CADPS2: variants seen among roughly 807,000 people sequenced by gnomAD.
The protein encoded by CADPS2 is calcium-dependent secretion activator 2.
CADPS2 carries 93 observed loss-of-function variants against 172.5 expected under a neutral mutation model. That is an observed-to-expected ratio of 0.54 (90% CI 0.46 to 0.64). The LOEUF (loss-of-function observed/expected upper bound fraction) is 0.64, where lower values mean the gene tolerates loss of function less well. Ranked by LOEUF, CADPS2 falls within the 30% of genes least tolerant of loss-of-function variation. The pLI, the probability that CADPS2 is intolerant of heterozygous loss-of-function variation, is 0.00. For synonymous variants in CADPS2, 546 were observed against 555.2 expected (o/e 0.98, Z 0.23); for missense variants, 1,420 against 1,565.9 (o/e 0.91, Z 1.57).
chr7:122,380,922 G>A (rs975436323), intron 24 of CADPS2, among the ~76,000 whole-genome samples: 1 of 152,058 alleles, frequency 6.6e-6, no homozygotes, highest in Non-Finnish European at 1.5e-5. Context: ...TGAAGAGAAG[G>A]AAAACGGGAG....
At chr7:122,565,345 C>T (rs148226374) in intron 7 of CADPS2, among the ~76,000 whole-genome samples, 11 of 151,986 alleles carry the variant, frequency 7.2e-5, no homozygotes, top group Non-Finnish European at 1.0e-4. Context: ...GAAATCTCTG[C>T]GATACATTTT....
intron 1 of CADPS2, among the ~76,000 whole-genome samples, chr7:122,829,678 TTAAG>T (rs1465731971): frequency 6.6e-6 from 1 of 152,212 alleles, no homozygotes; most frequent in Non-Finnish European, 1.5e-5. Flanking sequence ...ATTTCATGTA[TTAAG>T]TGTGTTTTAG....
At chr7:122,326,846 T>G (rs2033973898) in intron 28 of CADPS2, among the ~76,000 whole-genome samples, 1 of 152,070 alleles carries the variant, frequency 6.6e-6, no homozygotes, top group African/African-American at 2.4e-5. Context: ...AAAATGAATT[T>G]TACATTTTAC....
At chr7:122,611,249 C>T (rs1401873901) in intron 6 of CADPS2, among the ~76,000 whole-genome samples, 1 of 151,610 alleles carries the variant, frequency 6.6e-6, no homozygotes, top group Non-Finnish European at 1.5e-5. Context: ...GGAGAGAGTC[C>T]AAGAAATCAT....
At chr7:122,646,887 C>G (rs1275725664) in intron 3 of CADPS2, among the ~76,000 whole-genome samples, 1 of 151,876 alleles carries the variant, frequency 6.6e-6, no homozygotes, top group Admixed American at 6.6e-5. Context: ...ATGGCAATTG[C>G]TATGAAATAA....
chr7:122,827,164 A>G (rs1164494910), intron 1 of CADPS2, among the ~76,000 whole-genome samples: 1 of 152,226 alleles, frequency 6.6e-6, no homozygotes, highest in Non-Finnish European at 1.5e-5. Context: ...GCTCAAAAAT[A>G]TGACAGCTTA....
At position 122,393,660 on chromosome 7, in the gene CADPS2, G is replaced by A. The variant is rs532920810; in HGVS notation, c.2747-78C>T. 58 of 1,481,300 alleles carry A rather than the reference G, an allele frequency of 3.9e-5. No homozygotes were observed. The South Asian group carries it at 4.6e-4, about 12-fold the overall frequency. The allele number at this position is 1,481,300 out of a possible 1,614,324, so 91.8% of individuals were successfully genotyped here. A position where few individuals can be genotyped will look rare whatever the true frequency, so the allele number is the denominator to read the frequency against. On this transcript the variant is annotated intron_variant, in intron 20 of 29. Transcript: ENST00000449022. ...TGGAAAATATGGGCCAAAAAAACACGTTTTCTGAGAGAGTCTGACACAGAA... is the reference window on the plus strand; with the variant it reads ...TGGAAAATATGGGCCAAAAAAACACATTTTCTGAGAGAGTCTGACACAGAA...
chr7:122,779,449 C>T (rs1792096620), intron 1 of CADPS2, among the ~76,000 whole-genome samples: 1 of 152,146 alleles, frequency 6.6e-6, no homozygotes, highest in Admixed American at 6.5e-5. Context: ...CAAGCCTCTG[C>T]TCATATCATA....
intron 1 of CADPS2, among the ~76,000 whole-genome samples, chr7:122,868,064 T>C (rs1331714872): frequency 6.6e-6 from 1 of 152,058 alleles, no homozygotes; most frequent in Non-Finnish European, 1.5e-5. Context: ...CTTCTTGATC[T>C]TTCTTCTCTG....
rs531449627 is a variant in CADPS2 at position 122,818,387 on chromosome 7, C to T, written c.339+67612G>A. Among the ~76,000 whole-genome samples the T allele has an allele frequency of 2.1e-4, 32 of 152,222 alleles. 2 individuals are homozygous for T. Among genetic ancestry groups the T allele is most frequent in the African/African-American group, 7.7e-4 (32 of 41,530 alleles). On this transcript the variant is annotated intron_variant, in intron 1 of 29. Transcript: ENST00000449022. ...CCTGCAAGATCTAAATAATTCTTGT[C>T]GTAAAATAGGCAAACGGTCTGAGGT...
intron 14 of CADPS2, 132 bp from the exon 15 acceptor site, chr7:122,451,607 T>C (rs1038995926): frequency 1.9e-5 from 9 of 477,882 alleles, no homozygotes; most frequent in African/African-American, 1.4e-4. Flanking sequence ...CAGTGGAAAT[T>C]TACTGGAAAT....
intron 2 of CADPS2, among the ~76,000 whole-genome samples, chr7:122,732,061 A>G (rs921882464): frequency 6.6e-6 from 1 of 151,714 alleles, no homozygotes; most frequent in Admixed American, 6.6e-5. Flanking sequence ...CATGTTGAAC[A>G]GTATTCATAG....
At chr7:122,539,349 C>T (rs1161657516) in intron 8 of CADPS2, among the ~76,000 whole-genome samples, 1 of 152,120 alleles carries the variant, frequency 6.6e-6, no homozygotes, top group Non-Finnish European at 1.5e-5. Flanking sequence ...CAGATGCTGG[C>T]CCCTTAATCT....
chr7:122,777,143 CCT>C (rs1256545778), intron 1 of CADPS2, among the ~76,000 whole-genome samples: 5 of 151,930 alleles, frequency 3.3e-5, no homozygotes, highest in African/African-American at 1.2e-4. Flanking sequence ...AGAGTGAGAT[CCT>C]GTCTAAAAAA....
intron 17 of CADPS2, among the ~76,000 whole-genome samples, chr7:122,425,775 C>T (rs2049097346): frequency 6.6e-6 from 1 of 152,118 alleles, no homozygotes; most frequent in East Asian, 1.9e-4. Context: ...AACTGAAAAT[C>T]AAATACTGAA....
At chr7:122,565,735 AC>A (rs1450448632) in intron 7 of CADPS2, among the ~76,000 whole-genome samples, 1 of 152,210 alleles carries the variant, frequency 6.6e-6, no homozygotes, top group African/African-American at 2.4e-5. Context: ...ATACATATTT[AC>A]ACTATACAAC....
At position 122,886,356 on chromosome 7, in the gene CADPS2, C is replaced by A; in HGVS notation, c.-19G>T. On this transcript the variant is annotated 5_prime_UTR_variant, in exon 1 of 30. Coordinates refer to ENST00000449022, the MANE Select transcript of CADPS2 (RefSeq NM_017954.11). ...CCAGCATGGTGCTCGGGGATCCCCG[C>A]CGCTCGGCCCGCGGTCCCCAAGCGC... 6.7e-7 allele frequency: 1 copy of A among 1,489,156 alleles called. No homozygotes were observed. Among genetic ancestry groups the A allele is most frequent in the Non-Finnish European group, 8.9e-7 (1 of 1,128,370 alleles). 92.2% of individuals were successfully genotyped at this position (1,489,156 alleles called of 1,614,324 possible). A position where few individuals can be genotyped will look rare whatever the true frequency, so the allele number is the denominator to read the frequency against.
intron 22 of CADPS2, among the ~76,000 whole-genome samples, chr7:122,392,004 G>A (rs2044429157): frequency 6.6e-6 from 1 of 152,016 alleles, no homozygotes. Flanking sequence ...TGTAAAATGG[G>A]GATAATGATA....
At chr7:122,720,503 C>CATATAA (rs2090239856) in intron 2 of CADPS2, among the ~76,000 whole-genome samples, 1 of 149,098 alleles carries the variant, frequency 6.7e-6, no homozygotes, top group Non-Finnish European at 1.5e-5. Flanking sequence ...TATGTATATA[C>CATATAA]GTATAAGTAT....
Sources: gnomAD v4.1 joint callset for allele counts (sites outside exome capture counted in the v4.1 genomes callset) on GRCh38, gnomAD v4.1.1 for gene constraint, MANE v1.5 for transcripts, NCBI Gene and HGNC (gene_info 2026-07-23, HGNC 2026-07-21) for gene names.